The following FAAH2 variants were observed in gnomAD, a reference collection of about 807,000 sequenced individuals.
The protein encoded by FAAH2 is fatty-acid amide hydrolase 2.
Under a neutral mutation model 36.9 loss-of-function variants are expected in FAAH2, and 60 were observed. The ratio of observed to expected loss-of-function variants is 1.63; its 90% CI spans 1.32 to 2.02. The LOEUF (loss-of-function observed/expected upper bound fraction) is 2.02, where lower values mean the gene tolerates loss of function less well. Among genes scored for constraint, FAAH2 ranks in the 30% most tolerant of loss-of-function variants. FAAH2 has a pLI of 0.00. For synonymous variants in FAAH2, 214 were observed against 143.8 expected, an observed-to-expected ratio of 1.49 and a Z score of -3.49; for missense variants, 689 against 397.5, an observed-to-expected ratio of 1.73 and a Z score of -6.23.
intron 7 of FAAH2, among the ~76,000 whole-genome samples, chrX:57,382,397 T>C (rs745414686): frequency 1.8e-4 from 20 of 111,032 alleles, no homozygotes; most frequent in Admixed American, 6.7e-4. Flanking sequence ...GCTGGTTTTT[T>C]GACAAGATCA....
At chrX:57,387,872 T>A (rs941345650) in intron 7 of FAAH2, among the ~76,000 whole-genome samples, 1 of 111,270 alleles carries the variant, frequency 9.0e-6, no homozygotes, top group African/African-American at 3.3e-5. Flanking sequence ...GTGATGTGTG[T>A]ATCTGAGGAG....
At chrX:57,308,779 C>T (rs190966886) in intron 2 of FAAH2, among the ~76,000 whole-genome samples, 128 of 111,495 alleles carry the variant, frequency 1.1e-3, no homozygotes, top group Middle Eastern at 4.7e-3. Flanking sequence ...TTAGAAACTT[C>T]CAACAGTTCT....
At chrX:57,226,122 G>C in the FAAH2 span, among the ~76,000 whole-genome samples, 1 of 111,764 alleles carries the variant, frequency 8.9e-6, no homozygotes, top group Non-Finnish European at 1.9e-5. Context: ...GAGCATGTAG[G>C]GTATTTACAT....
At chrX:57,295,646 A>C (rs1602182087) in intron 2 of FAAH2, among the ~76,000 whole-genome samples, 1 of 112,308 alleles carries the variant, frequency 8.9e-6, no homozygotes, top group Admixed American at 9.4e-5. Context: ...CATGAGCAGC[A>C]GCAGGGCGAG....
At chrX:57,366,725 G>A (rs1184958683) in intron 5 of FAAH2, among the ~76,000 whole-genome samples, 1 of 112,467 alleles carries the variant, frequency 8.9e-6, no homozygotes, top group African/African-American at 3.2e-5. Flanking sequence ...CTGAGGGATC[G>A]ATGGCAGTGG....
intron 5 of FAAH2, among the ~76,000 whole-genome samples, chrX:57,365,189 C>T (rs1359373163): frequency 8.9e-6 from 1 of 111,879 alleles, no homozygotes; most frequent in Non-Finnish European, 1.9e-5. Flanking sequence ...TTTGTGGCTG[C>T]AGGTACTGGT....
chrX:57,369,597 A>G (rs976714983), intron 5 of FAAH2, among the ~76,000 whole-genome samples: 1 of 111,839 alleles, frequency 8.9e-6, no homozygotes, highest in Non-Finnish European at 1.9e-5. Flanking sequence ...TGAGGTAAAA[A>G]TGCCATACCC....
At chrX:57,437,570 T>G (rs1272577048) in intron 8 of FAAH2, among the ~76,000 whole-genome samples, 2 of 108,495 alleles carry the variant, frequency 1.8e-5, no homozygotes, top group East Asian at 5.7e-4. Flanking sequence ...ACAAGTAGCA[T>G]TTTTTTACAC....
chrX:57,323,809 T>A (rs2053118576), intron 3 of FAAH2, among the ~76,000 whole-genome samples: 1 of 109,461 alleles, frequency 9.1e-6, no homozygotes, highest in Non-Finnish European at 1.9e-5. Context: ...ACTCTGATGG[T>A]AGTTTCTTTT....
chrX:57,250,764 T>TAAA, the FAAH2 span, among the ~76,000 whole-genome samples: 6 of 102,545 alleles, frequency 5.9e-5, no homozygotes, highest in African/African-American at 2.1e-4. Flanking sequence ...CTAGAAGAAA[T>TAAA]AAAAAAAAAA....
intron 5 of FAAH2, among the ~76,000 whole-genome samples, chrX:57,356,191 G>C (rs550332889): frequency 9.9e-5 from 11 of 110,735 alleles, no homozygotes; most frequent in South Asian, 3.7e-4. Flanking sequence ...GAATATATTT[G>C]CATCCATGTT....
the FAAH2 span, among the ~76,000 whole-genome samples, chrX:57,142,763 T>G: frequency 8.9e-6 from 1 of 112,030 alleles, no homozygotes; most frequent in Non-Finnish European, 1.9e-5. Context: ...TGTACTAATA[T>G]TTTTAAATAT....
chrX:57,414,855 T>C (rs1218595703), intron 7 of FAAH2, among the ~76,000 whole-genome samples: 2 of 105,794 alleles, frequency 1.9e-5, no homozygotes, highest in Non-Finnish European at 3.9e-5. Flanking sequence ...CTGGGCTTTT[T>C]TTTTTTTTTT....
the FAAH2 span, among the ~76,000 whole-genome samples, chrX:57,219,863 C>CTTTGTTTT: frequency 2.8e-5 from 1 of 35,640 alleles, no homozygotes; most frequent in African/African-American, 1.1e-4. Context: ...AGCGCCTTGT[C>CTTTGTTTT]TTTTTTTTTT....
the FAAH2 span, among the ~76,000 whole-genome samples, chrX:57,260,030 A>ATAT: frequency 2.7e-5 from 3 of 111,860 alleles, no homozygotes; most frequent in African/African-American, 9.7e-5. Flanking sequence ...GAGTAAACAC[A>ATAT]TGAATAATAT....
intron 10 of FAAH2, among the ~76,000 whole-genome samples, chrX:57,461,882 C>CA (rs2056963510): frequency 9.1e-6 from 1 of 109,782 alleles, no homozygotes; most frequent in Non-Finnish European, 1.9e-5. Context: ...AAAAGATTAA[C>CA]AAAATACATA....
At chrX:57,123,145 C>G in the FAAH2 span, among the ~76,000 whole-genome samples, 4 of 111,315 alleles carry the variant, frequency 3.6e-5, no homozygotes, top group East Asian at 1.1e-3. Flanking sequence ...AATGCTATCC[C>G]TCTCCCCTAC....
the FAAH2 span, among the ~76,000 whole-genome samples, chrX:57,165,254 G>A: frequency 8.9e-6 from 1 of 111,790 alleles, no homozygotes; most frequent in Non-Finnish European, 1.9e-5. Context: ...TGTTTACTGC[G>A]GCATTATTCA....
In FAAH2 at chrX:57,310,639, G is replaced by T; in HGVS notation, c.322G>T (p.Ala108Ser). The T allele has an allele frequency of 8.3e-7, 1 of 1,209,754 alleles. No homozygotes were observed. Among genetic ancestry groups the T allele is most frequent in the Non-Finnish European group, 1.1e-6 (1 of 894,448 alleles). Residue 108 changes from alanine (A) to serine (S), a missense_variant, in exon 3 of 11, where the codon GCA becomes TCA. Ala to Ser is a moderately conservative substitution (Grantham distance 99). Transcript: ENST00000374900. ...GGCTCATGCTGTAGATCAAAAGCTT[G>T]CAGAGAAGCAGGAAGATGAAGCCAC... ...KEAHAVDQKL[A>S]EKQEDEATLE... is the part of the protein sequence containing the mutation.
Sources: allele counts gnomAD v4.1 joint callset (sites outside exome capture counted in the v4.1 genomes callset), GRCh38; gene constraint gnomAD v4.1.1; transcripts MANE v1.5; gene names NCBI Gene and HGNC (gene_info 2026-07-23, HGNC 2026-07-21).